Variants in ATR observed in about 807,000 individuals in gnomAD.
ATR encodes serine/threonine-protein kinase ATR.
In ATR, 142 loss-of-function variants were observed where a neutral mutation model predicts 305.3. That is an observed-to-expected ratio of 0.47 (90% CI 0.41 to 0.53). ATR has a LOEUF of 0.53. Among genes scored for constraint, ATR ranks in the 20% least tolerant of loss-of-function variants. The probability of loss-of-function intolerance (pLI) is 0.00; values close to 1 mark genes in which losing one functional copy is unlikely to be tolerated. For synonymous variants in ATR, 1,050 were observed against 1,068.1 expected, an observed-to-expected ratio of 0.98 and a Z score of 0.33; for missense variants, 2,135 against 3,133.1, an observed-to-expected ratio of 0.68 and a Z score of 7.60.
intron 17 of ATR, 77 bp downstream of exon 17, chr3:142,542,588 T>A (rs1274801253): frequency 1.6e-6 from 2 of 1,253,974 alleles, no homozygotes; most frequent in African/African-American, 1.5e-5. Flanking sequence ...CATCTTTGAA[T>A]GTTTGTAGCT....
rs376415027 is a variant in ATR, at chr3:142,535,077, T to C, written c.3945+3A>G. 9.3e-6 allele frequency: 15 copies of C among 1,610,528 alleles called. No homozygotes were observed. The African/African-American group carries it at 1.7e-4, about 19-fold the overall frequency. ...CATTTTTAATTATATCATATTAGCATACCTGATTTTTATACAAGGTTTCCT... is the reference window on the plus strand; with the variant it reads ...CATTTTTAATTATATCATATTAGCACACCTGATTTTTATACAAGGTTTCCT... On this transcript the variant is annotated splice_donor_region_variant and intron_variant, in intron 21 of 46. Coordinates refer to ENST00000350721, the MANE Select transcript of ATR (RefSeq NM_001184.4).
chr3:142,470,523 G>C (rs61414488), intron 36 of ATR, among the ~76,000 whole-genome samples: 3 of 151,984 alleles, frequency 2.0e-5, no homozygotes, highest in Non-Finnish European at 2.9e-5. Flanking sequence ...CATAAGCCTA[G>C]GTTAGGTCCA....
chr3:142,547,578 C>T lies in ATR; in HGVS notation c.3357+147G>A, dbSNP rs992120283. 6.0e-5 allele frequency: 52 copies of T among 871,224 alleles called. No individual in the cohort carries two copies. In the South Asian group the frequency reaches 7.5e-4, roughly 13 times the overall value. 54.0% of individuals were successfully genotyped at this position (871,224 alleles called of 1,614,324 possible). A position where few individuals can be genotyped will look rare whatever the true frequency, so the allele number is the denominator to read the frequency against. ...CATGTGACCACGTGATTTAAATCAG[C>T]CTTTTCAAAATAAAAATACCAACTT... is the stretch of plus-strand genomic sequence containing the variant. On this transcript the variant is annotated intron_variant, in intron 16 of 46. Transcript: ENST00000350721.
At chr3:142,541,673 A>G (rs977178936) in intron 17 of ATR, among the ~76,000 whole-genome samples, 3 of 152,198 alleles carry the variant, frequency 2.0e-5, no homozygotes, top group Non-Finnish European at 4.4e-5. Flanking sequence ...TATGGTTTAC[A>G]AGACAAACTG....
intron 35 of ATR, among the ~76,000 whole-genome samples, chr3:142,492,794 C>A (rs2031366761): frequency 6.6e-6 from 1 of 152,060 alleles, no homozygotes; most frequent in Non-Finnish European, 1.5e-5. Flanking sequence ...TCTTACAACA[C>A]CATCTATATA....
intron 36 of ATR, among the ~76,000 whole-genome samples, chr3:142,473,941 A>ATT (rs141622968): frequency 4.4e-5 from 5 of 114,870 alleles, no homozygotes; most frequent in African/African-American, 1.3e-4. Flanking sequence ...AAGTTATTGG[A>ATT]TTTTTTTTTT....
Position 142,498,547 on chromosome 3 carries a change from T to C in ATR, c.5558+50A>G, listed in dbSNP as rs200307805. 188 of 1,587,180 alleles carry C rather than the reference T, an allele frequency of 1.2e-4. 1 individual carries two copies. In the East Asian group the frequency reaches 4.2e-3, roughly 36 times the overall value. On this transcript the variant is annotated intron_variant, in intron 32 of 46. Transcript: ENST00000350721. ...TACTCAAAAAAATTTTCCAATCCTG[T>C]CAGGTGACATTTATAGGCCAGAAAT...
chr3:142,508,575 A>G lies in ATR; in HGVS notation c.4853-466T>C, dbSNP rs114434701. Among the ~76,000 whole-genome samples, 364 of 152,328 alleles carry G rather than the reference A, an allele frequency of 2.4e-3. 3 individuals are homozygous for G. Among genetic ancestry groups the G allele is most frequent in the African/African-American group, 8.1e-3 (338 of 41,578 alleles). ...TTTTTAAAGTTTAGAATTCATTGTT[A>G]TCCACCTATTTTTTCTTGGTTGCCA... On this transcript the variant is annotated intron_variant, in intron 27 of 46. Transcript: ENST00000350721.
At chr3:142,532,701 T>C (rs961723616) in intron 21 of ATR, among the ~76,000 whole-genome samples, 6 of 152,224 alleles carry the variant, frequency 3.9e-5, no homozygotes, top group African/African-American at 1.4e-4. Flanking sequence ...TGTTGCTACA[T>C]TACACCCAAT....
intron 21 of ATR, among the ~76,000 whole-genome samples, chr3:142,531,008 C>T (rs7613884): frequency 0.039 from 5,989 of 152,172 alleles, 393 homozygotes; most frequent in African/African-American, 0.14. Context: ...AGAACGTACC[C>T]GCTCTCAACA....
chr3:142,453,473 T>C (rs1161751102), intron 45 of ATR, among the ~76,000 whole-genome samples: 3 of 152,290 alleles, frequency 2.0e-5, no homozygotes. Context: ...TAGAGTAAGA[T>C]GGGTTCTATG....
At chr3:142,456,284 T>C (rs913549885) in intron 45 of ATR, among the ~76,000 whole-genome samples, 4 of 151,798 alleles carry the variant, frequency 2.6e-5, no homozygotes, top group Non-Finnish European at 4.4e-5. Flanking sequence ...AACTCAAGAA[T>C]AGGCCAGGCA....
intron 39 of ATR, among the ~76,000 whole-genome samples, chr3:142,467,616 A>T (rs928324959): frequency 1.3e-4 from 20 of 152,292 alleles, no homozygotes; most frequent in African/African-American, 3.4e-4. Context: ...AATATTTTAC[A>T]TACTTATATT....
At chr3:142,544,643 T>A (rs79487722) in intron 16 of ATR, among the ~76,000 whole-genome samples, 3,148 of 113,294 alleles carry the variant, frequency 0.028, 49 homozygotes, top group African/African-American at 0.054. Flanking sequence ...AAAAAAAAAA[T>A]GAGCTGGGAA....
rs2035132364 is a variant in ATR at position 142,568,093 on chromosome 3, T to C, written c.121A>G (p.Ile41Val). The change falls in exon 2 of 47, where the codon ATT becomes GTT. Residue 41 changes from isoleucine to valine, a missense_variant. By Grantham distance (29) the Ile-to-Val change is conservative. Around this residue, in one of 9 missense-constraint regions of ATR, gnomAD observed 744 missense variants for 873.2 expected, o/e 0.85. Transcript: ENST00000350721. ...TTTACATCTGTAAGTATCCGGTCAA[T>C]GAATTGACACAGAATTTGTCTTGGC... ...QKPRQILCQF[I>V]DRILTDVNVV... is the part of the protein sequence containing the mutation. The C allele has an allele frequency of 6.2e-7, 1 of 1,612,162 alleles. No homozygotes were observed. Among genetic ancestry groups the C allele is most frequent in the African/African-American group, 1.3e-5 (1 of 74,896 alleles).
intron 46 of ATR, 139 bp downstream of exon 46, chr3:142,452,989 T>C (rs1313514002): frequency 2.0e-6 from 3 of 1,521,632 alleles, no homozygotes; most frequent in Admixed American, 4.1e-5. Flanking sequence ...ACTAGAGAAC[T>C]AGATTTCAGA....
chr3:142,559,650 C>T (rs1263603888), intron 6 of ATR, among the ~76,000 whole-genome samples: 1 of 152,098 alleles, frequency 6.6e-6, no homozygotes, highest in African/African-American at 2.4e-5. Context: ...GATTTGGGAA[C>T]CAAATGACTT....
chr3:142,542,562 A>G (rs2034091600), intron 17 of ATR, 103 bp downstream of exon 17: 6 of 1,061,752 alleles, frequency 5.7e-6, no homozygotes, highest in South Asian at 4.1e-5. Flanking sequence ...AGAGAATGTC[A>G]TATTTGGTTA....
At chr3:142,560,946 T>G (rs1195934922) in intron 5 of ATR, among the ~76,000 whole-genome samples, 5 of 152,236 alleles carry the variant, frequency 3.3e-5, no homozygotes, top group Non-Finnish European at 7.3e-5. Flanking sequence ...TAAAAAATAG[T>G]TGGTTAATGT....
Sources: allele counts gnomAD v4.1 joint callset (sites outside exome capture counted in the v4.1 genomes callset), GRCh38; gene constraint gnomAD v4.1.1; regional missense constraint gnomAD v4.1.1; transcripts MANE v1.5; gene names NCBI Gene and HGNC (gene_info 2026-07-23, HGNC 2026-07-21).